Variants in FREM2 observed in about 807,000 individuals in gnomAD.
FREM2 encodes the protein FRAS1-related extracellular matrix protein 2.
A neutral mutation model predicts 219.9 loss-of-function variants in FREM2; 119 were observed. That is an observed-to-expected ratio of 0.54 (90% CI 0.47 to 0.63). FREM2 has a LOEUF of 0.63. FREM2 is among the 30% of genes least tolerant of loss of function. The probability of loss-of-function intolerance (pLI) is 0.00; values close to 1 mark genes in which losing one functional copy is unlikely to be tolerated. For synonymous variants in FREM2, 1,562 were observed against 1,522.8 expected, an observed-to-expected ratio of 1.03 and a Z score of -0.60; for missense variants, 4,030 against 3,993.6, an observed-to-expected ratio of 1.01 and a Z score of -0.25.
chr13:38,874,584 C>T lies in FREM2; in HGVS notation c.8279C>T (p.Pro2760Leu). The change falls in exon 18 of 24, where the codon CCC becomes CTC. Residue 2760 changes from proline (P) to leucine (L), a missense_variant and splice_region_variant. Pro to Leu is a moderately conservative substitution (Grantham distance 98). Transcript: ENST00000280481. Reference protein sequence around the residue: ...QFHGLFVLSHPASFTSSVIMS... With the variant: ...QFHGLFVLSHLASFTSSVIMS... ...CATGGCTTATTTGTGCTGTCACATC[C>T]CGGTAAGCCCCGTTATCTTTTAACA... 6.2e-7 allele frequency: 1 copy of T among 1,612,094 alleles called. No individual in the cohort carries two copies. The highest frequency in any genetic ancestry group is 8.5e-7 in the Non-Finnish European group (1 of 1,178,148).
chr13:38,880,538 C>G lies in FREM2; in HGVS notation c.9261C>G (p.Ile3087Met). Residue 3087 changes from isoleucine (I) to methionine (M), a missense_variant, in exon 24 of 24, where the codon ATC (isoleucine) becomes ATG (methionine). Coordinates refer to ENST00000280481, the MANE Select transcript of FREM2 (RefSeq NM_207361.6). Reference protein sequence around the residue: ...HIALDRTKRQIPHGRAPPDGI... With the variant: ...HIALDRTKRQMPHGRAPPDGI... Reference sequence around the variant, plus strand: ...CCCTGGACCGCACCAAGAGGCAGATCCCCCATGGGAGAGCACCTCCAGATG... The same window carrying G: ...CCCTGGACCGCACCAAGAGGCAGATGCCCCATGGGAGAGCACCTCCAGATG... 2.5e-6 allele frequency: 4 copies of G among 1,614,166 alleles called. No individual in the cohort carries two copies. The highest frequency in any genetic ancestry group is 3.4e-6 in the Non-Finnish European group (4 of 1,180,010).
rs370470533 is a variant in FREM2 at position 38,848,530 on chromosome 13, G to A, written c.6239G>A (p.Arg2080His). ...CCTGGAGTCAACATGCAGCCTGTTC[G>A]TGTTGTCATTCTGGATGACCTTGGA... is the stretch of plus-strand genomic sequence containing the variant. ...FAPGVNMQPV[R>H]VVILDDLGQP... Residue 2080 changes from arginine to histidine, a missense_variant, in exon 8 of 24, where the codon CGT becomes CAT. Around this residue, in one of 2 missense-constraint regions of FREM2, gnomAD observed 3,102 missense variants for 2,950.7 expected, o/e 1.05. Coordinates refer to ENST00000280481, the MANE Select transcript of FREM2 (RefSeq NM_207361.6). 1.2e-5 allele frequency: 20 copies of A among 1,614,036 alleles called. No individual in the cohort carries two copies. The highest frequency in any genetic ancestry group is 6.7e-5 in the East Asian group (3 of 44,870).
At chr13:38,763,574 G>C (rs28682306) in intron 2 of FREM2, among the ~76,000 whole-genome samples, 1 of 119,520 alleles carries the variant, frequency 8.4e-6, no homozygotes, top group African/African-American at 3.1e-5. Context: ...AAAGGAAGTA[G>C]AGGGATGCGT....
At chr13:38,831,148 T>C (rs1196602783) in intron 6 of FREM2, among the ~76,000 whole-genome samples, 1 of 152,140 alleles carries the variant, frequency 6.6e-6, no homozygotes, top group Non-Finnish European at 1.5e-5. Flanking sequence ...TCCTTCTTCT[T>C]CCTCATATAT....
At chr13:38,757,277 T>C (rs964610846) in intron 2 of FREM2, among the ~76,000 whole-genome samples, 1 of 152,196 alleles carries the variant, frequency 6.6e-6, no homozygotes, top group African/African-American at 2.4e-5. Context: ...ATGTGGACTG[T>C]GATACTCTTG....
intron 6 of FREM2, among the ~76,000 whole-genome samples, chr13:38,812,417 G>A (rs985995834): frequency 2.0e-5 from 3 of 152,010 alleles, no homozygotes; most frequent in Non-Finnish European, 4.4e-5. Flanking sequence ...TTTCTCTGTT[G>A]GTACGCTTTA....
chr13:38,747,054 A>C (rs1205257225), intron 2 of FREM2, among the ~76,000 whole-genome samples: 1 of 152,114 alleles, frequency 6.6e-6, no homozygotes, highest in Non-Finnish European at 1.5e-5. Context: ...TACATTTAGT[A>C]CAGCATCTGT....
At chr13:38,865,160 A>G (rs1252157072) in intron 16 of FREM2, among the ~76,000 whole-genome samples, 2 of 151,966 alleles carry the variant, frequency 1.3e-5, no homozygotes, top group Non-Finnish European at 2.9e-5. Flanking sequence ...TTTATCTATC[A>G]TTAACATAGT....
At chr13:38,780,190 A>G (rs974504517) in intron 4 of FREM2, among the ~76,000 whole-genome samples, 1 of 152,184 alleles carries the variant, frequency 6.6e-6, no homozygotes, top group East Asian at 1.9e-4. Context: ...CAATTTTAAT[A>G]TGTTTAAAAT....
At chr13:38,789,639 T>A (rs952600074) in intron 6 of FREM2, among the ~76,000 whole-genome samples, 1 of 151,374 alleles carries the variant, frequency 6.6e-6, no homozygotes, top group Non-Finnish European at 1.5e-5. Flanking sequence ...GCCTCAGACT[T>A]ACCTTCCAGT....
chr13:38,753,479 T>G (rs189638571), intron 2 of FREM2, among the ~76,000 whole-genome samples: 1 of 152,214 alleles, frequency 6.6e-6, no homozygotes, highest in Non-Finnish European at 1.5e-5. Context: ...CCAGCATTCA[T>G]TCTGCTCTAA....
At chr13:38,815,689 G>A (rs1407495807) in intron 6 of FREM2, among the ~76,000 whole-genome samples, 2 of 152,198 alleles carry the variant, frequency 1.3e-5, no homozygotes, top group African/African-American at 4.8e-5. Flanking sequence ...GCTAGCACCT[G>A]TTCAGTTTTT....
In FREM2 at chr13:38,858,046, T is replaced by G. The variant is rs776902571; in HGVS notation, c.7215+13T>G. ...CATCTGTATCACAGTGAGTAGGAGA[T>G]TCACAAAATTGAGGAAAATTGTAAG... On this transcript the variant is annotated intron_variant, in intron 13 of 23. Transcript: ENST00000280481. 12 of 1,608,670 alleles carry G rather than the reference T, an allele frequency of 7.5e-6. No homozygotes were observed. The highest frequency in any genetic ancestry group is 8.5e-6 in the Non-Finnish European group (10 of 1,175,258).
At chr13:38,806,906 CA>C (rs1289930456) in intron 6 of FREM2, among the ~76,000 whole-genome samples, 4 of 151,616 alleles carry the variant, frequency 2.6e-5, no homozygotes, top group African/African-American at 9.7e-5. Context: ...ACAATGTTTA[CA>C]CCATCTTCAC....
intron 2 of FREM2, among the ~76,000 whole-genome samples, chr13:38,713,426 C>A (rs1593359716): frequency 6.6e-6 from 1 of 152,282 alleles, no homozygotes; most frequent in Admixed American, 6.5e-5. Context: ...ATCTATAATG[C>A]ATACTCTTAT....
At chr13:38,783,850 A>C (rs1294136211) in intron 5 of FREM2, among the ~76,000 whole-genome samples, 1 of 152,210 alleles carries the variant, frequency 6.6e-6, no homozygotes, top group East Asian at 1.9e-4. Context: ...TAATCCCAGC[A>C]CTTTGGGAGG....
At position 38,774,963 on chromosome 13, in the gene FREM2, A is replaced by G. The variant is rs552679575; in HGVS notation, c.5641+5155A>G. ...AAATATGGCCAGGAACCAGTGGATT[A>G]AATATTTGATCTCTGTAATCATTTC... is the stretch of plus-strand genomic sequence containing the variant. On this transcript the variant is annotated intron_variant, in intron 4 of 23. Coordinates refer to ENST00000280481, the MANE Select transcript of FREM2 (RefSeq NM_207361.6). Among the ~76,000 whole-genome samples the G allele has an allele frequency of 9.4e-4, 143 of 152,330 alleles. 1 individual carries two copies. The highest frequency in any genetic ancestry group is 3.4e-3 in the Middle Eastern group (1 of 294).
intron 6 of FREM2, among the ~76,000 whole-genome samples, chr13:38,816,344 G>A (rs1408110894): frequency 1.3e-5 from 2 of 152,156 alleles, no homozygotes; most frequent in Non-Finnish European, 2.9e-5. Flanking sequence ...CGAGATGCTA[G>A]CAAACTGAAT....
chr13:38,866,934 A>G (rs1320322796), intron 16 of FREM2, among the ~76,000 whole-genome samples: 2 of 152,156 alleles, frequency 1.3e-5, no homozygotes, highest in Non-Finnish European at 2.9e-5. Flanking sequence ...CCTGCCCTCT[A>G]CTGTGTTCAT....
Sources: allele counts gnomAD v4.1 joint callset (sites outside exome capture counted in the v4.1 genomes callset), GRCh38; gene constraint gnomAD v4.1.1; regional missense constraint gnomAD v4.1.1; transcripts MANE v1.5; gene names NCBI Gene and HGNC (gene_info 2026-07-23, HGNC 2026-07-21).